LURAP1: variants seen among roughly 807,000 people sequenced by gnomAD.
The protein encoded by LURAP1 is NF-kappa-B activator C1orf190.
A neutral mutation model predicts 19.0 loss-of-function variants in LURAP1; 14 were observed. That is an observed-to-expected ratio of 0.74 (90% CI 0.49 to 1.15). The LOEUF (loss-of-function observed/expected upper bound fraction) is 1.15, where lower values mean the gene tolerates loss of function less well. LURAP1 is among the 50% of genes most tolerant of loss of function. The pLI is 0.00. For synonymous variants in LURAP1, 129 were observed against 131.8 expected, an observed-to-expected ratio of 0.98 and a Z score of 0.14; for missense variants, 273 against 309.1, an observed-to-expected ratio of 0.88 and a Z score of 0.87.
intron 1 of LURAP1, among the ~76,000 whole-genome samples, chr1:46,207,664 G>C (rs912101538): frequency 6.6e-6 from 1 of 151,346 alleles, no homozygotes; most frequent in Non-Finnish European, 1.5e-5. Context: ...TCAGCCTCCC[G>C]AGTAGCTGGG....
chr1:46,212,798 C>T (rs1200164626), intron 1 of LURAP1, among the ~76,000 whole-genome samples: 2 of 151,768 alleles, frequency 1.3e-5, no homozygotes, highest in Non-Finnish European at 2.9e-5. Flanking sequence ...CTCGCTCTGT[C>T]GCCCAGGCTG....
At chr1:46,215,062 T>C (rs1257903600) in intron 1 of LURAP1, among the ~76,000 whole-genome samples, 1 of 151,714 alleles carries the variant, frequency 6.6e-6, no homozygotes, top group Non-Finnish European at 1.5e-5. Flanking sequence ...CTGTCTGTAC[T>C]AAAGATACAA....
At chr1:46,210,872 T>C (rs1172947670) in intron 1 of LURAP1, among the ~76,000 whole-genome samples, 1 of 151,942 alleles carries the variant, frequency 6.6e-6, no homozygotes, top group Admixed American at 6.6e-5. Flanking sequence ...CTTCTCTGGC[T>C]CAATCAATCC....
chr1:46,207,461 C>T (rs1396545241), intron 1 of LURAP1, among the ~76,000 whole-genome samples: 1 of 152,136 alleles, frequency 6.6e-6, no homozygotes, highest in African/African-American at 2.4e-5. Context: ...TAGGTTATGG[C>T]CCTCTAGGTA....
At chr1:46,216,043 C>CTTTTTTTTTTT (rs141982741) in intron 1 of LURAP1, among the ~76,000 whole-genome samples, 136 of 92,550 alleles carry the variant, frequency 1.5e-3, no homozygotes, top group Non-Finnish European at 1.6e-3. Context: ...TTTATTTTAT[C>CTTTTTTTTTTT]TTTTTTTTTT....
chr1:46,203,407 C>T lies in LURAP1; in HGVS notation c.-20C>T. On this transcript the variant is annotated 5_prime_UTR_variant, in exon 1 of 2. Transcript: ENST00000371980. Reference sequence around the variant, plus strand: ...GTCCCCGGCGTCCGGTCGCCCAGCCCTTTTCAGGCTTGGGCCCGCATGGAG... The same window carrying T: ...GTCCCCGGCGTCCGGTCGCCCAGCCTTTTTCAGGCTTGGGCCCGCATGGAG... 1 of 1,440,204 alleles carries T rather than the reference C, an allele frequency of 6.9e-7. No homozygotes were observed. The highest frequency in any genetic ancestry group is 1.5e-5 in the South Asian group (1 of 66,246). 89.2% of individuals were successfully genotyped at this position (1,440,204 alleles called of 1,614,324 possible).
chr1:46,219,342 A>G (rs13374117), intron 1 of LURAP1, among the ~76,000 whole-genome samples: 3,021 of 152,270 alleles, frequency 0.02, 87 homozygotes, highest in African/African-American at 0.064. Flanking sequence ...TCAAAGCTTA[A>G]TAGGATTGGA....
At chr1:46,206,167 G>A (rs896387926) in intron 1 of LURAP1, among the ~76,000 whole-genome samples, 3 of 152,230 alleles carry the variant, frequency 2.0e-5, no homozygotes, top group Admixed American at 6.5e-5. Flanking sequence ...CTTTAGGCAA[G>A]GAAGAATGCA....
intron 1 of LURAP1, among the ~76,000 whole-genome samples, chr1:46,215,545 A>C (rs976142330): frequency 1.3e-5 from 2 of 152,344 alleles, no homozygotes; most frequent in South Asian, 2.1e-4. Flanking sequence ...GAAAAGGGTC[A>C]CATACAAAGG....
chr1:46,220,502 T>TC lies in LURAP1; in HGVS notation c.*283dup. Reference sequence around the variant, plus strand: ...TAGAGAGCAGTGGCATGATCACAGCTCACTGCAGCCTTGACCTCCTGGGCT... The same window carrying TC: ...TAGAGAGCAGTGGCATGATCACAGCTCCACTGCAGCCTTGACCTCCTGGGCT... On this transcript the variant is annotated 3_prime_UTR_variant, in exon 2 of 2. Coordinates refer to ENST00000371980, the MANE Select transcript of LURAP1 (RefSeq NM_001013615.3). The TC allele has an allele frequency of 3.0e-6, 1 of 330,490 alleles. No homozygotes were observed. The highest frequency in any genetic ancestry group is 5.5e-6 in the Non-Finnish European group (1 of 181,140). 20.5% of individuals were successfully genotyped at this position (330,490 alleles called of 1,614,324 possible).
intron 1 of LURAP1, among the ~76,000 whole-genome samples, chr1:46,217,199 T>C (rs1460303303): frequency 6.6e-6 from 1 of 151,938 alleles, no homozygotes; most frequent in Non-Finnish European, 1.5e-5. Context: ...TGGAGGGCAA[T>C]TGTGCAGCAA....
chr1:46,206,039 G>C (rs1475424307), intron 1 of LURAP1, among the ~76,000 whole-genome samples: 1 of 152,220 alleles, frequency 6.6e-6, no homozygotes, highest in Non-Finnish European at 1.5e-5. Context: ...AAGGTTGAGT[G>C]AACAAGCCAG....
chr1:46,213,938 G>A (rs1396250256), intron 1 of LURAP1, among the ~76,000 whole-genome samples: 1 of 152,110 alleles, frequency 6.6e-6, no homozygotes, highest in Non-Finnish European at 1.5e-5. Context: ...CTCAGAGTTG[G>A]CAAGCTTCAT....
chr1:46,212,483 G>A (rs574452266), intron 1 of LURAP1, among the ~76,000 whole-genome samples: 25 of 151,974 alleles, frequency 1.6e-4, no homozygotes, highest in Admixed American at 3.3e-4. Flanking sequence ...GGGTTTCACC[G>A]TGTTAGCCAG....
rs774150750 is a variant in LURAP1, at chr1:46,219,812, C to G, written c.312C>G (p.Cys104Trp). The change falls in exon 2 of 2, where the codon TGC becomes TGG. Residue 104 changes from cysteine (C) to tryptophan (W), a missense_variant. By Grantham distance (215) the Cys-to-Trp change is radical. Coordinates refer to ENST00000371980, the MANE Select transcript of LURAP1 (RefSeq NM_001013615.3). ...AGCGGGGGACGTTGACCAGTCATTG[C>G]AGCAGCCTCACCAGCAGTCAATATA... The part of the protein sequence containing the change: ...LEERGTLTSH[C>W]SSLTSSQYSL... The G allele has an allele frequency of 6.2e-7, 1 of 1,614,210 alleles. No homozygotes were observed. The highest frequency in any genetic ancestry group is 1.1e-5 in the South Asian group (1 of 91,086).
At chr1:46,215,021 T>C (rs760808509) in intron 1 of LURAP1, among the ~76,000 whole-genome samples, 3 of 151,580 alleles carry the variant, frequency 2.0e-5, no homozygotes, top group African/African-American at 7.3e-5. Context: ...GGTCAGGAGA[T>C]TGAAACCATC....
chr1:46,212,443 G>C (rs1332149756), intron 1 of LURAP1, among the ~76,000 whole-genome samples: 1 of 151,912 alleles, frequency 6.6e-6, no homozygotes, highest in Non-Finnish European at 1.5e-5. Flanking sequence ...GCCACGCCCA[G>C]CGAATTTTTT....
At chr1:46,214,351 G>GGA in intron 1 of LURAP1, among the ~76,000 whole-genome samples, 1 of 127,490 alleles carries the variant, frequency 7.8e-6, no homozygotes, top group South Asian at 2.5e-4. Context: ...GTCTCAAAAA[G>GGA]AAAAAAAAAA....
chr1:46,216,430 C>T (rs1054013783), intron 1 of LURAP1, among the ~76,000 whole-genome samples: 2 of 152,058 alleles, frequency 1.3e-5, no homozygotes, highest in African/African-American at 4.8e-5. Context: ...CAGCCTTGAC[C>T]CCCCAGGCTC....
Sources: gnomAD v4.1 joint callset for allele counts (sites outside exome capture counted in the v4.1 genomes callset) on GRCh38, gnomAD v4.1.1 for gene constraint, MANE v1.5 for transcripts, NCBI Gene and HGNC (gene_info 2026-07-23, HGNC 2026-07-21) for gene names.